Variants in RRAGB observed in about 807,000 individuals in gnomAD.
The protein encoded by RRAGB is ras-related GTP-binding protein B.
In RRAGB, 6 loss-of-function variants were observed where a neutral mutation model predicts 29.3. The observed-to-expected ratio is 0.21, with a 90% CI of 0.11 to 0.40. The LOEUF (loss-of-function observed/expected upper bound fraction) is 0.40. Among genes scored for constraint, RRAGB ranks in the 10% least tolerant of loss-of-function variants. RRAGB has a pLI of 1.00. For missense variants in RRAGB, 184 were observed against 272.9 expected, an observed-to-expected ratio of 0.67 and a Z score of 2.29; for synonymous variants, 101 against 92.5, an observed-to-expected ratio of 1.09 and a Z score of -0.53.
At chrX:55,738,000 C>T (rs2033924388) in intron 5 of RRAGB, among the ~76,000 whole-genome samples, 1 of 112,347 alleles carries the variant, frequency 8.9e-6, no homozygotes, top group African/African-American at 3.2e-5. Context: ...GCAAAGAAGT[C>T]GTCTTTGAGC....
At position 55,737,900 on chromosome X, in the gene RRAGB, G is replaced by A. The variant is rs1053926715; in HGVS notation, c.516+6314G>A. On this transcript the variant is annotated intron_variant, in intron 5 of 9. Transcript: ENST00000374941. The stretch of plus-strand genomic sequence containing the variant: ...CCCACTGCTATAGCTCAGGTCCAGG[G>A]GGAACTTGTGAAGGGACCTTGTGCG... Among the ~76,000 whole-genome samples the A allele has an allele frequency of 4.4e-5, 5 of 112,552 alleles. No homozygotes were observed. The East Asian group carries it at 1.4e-3, about 32-fold the overall frequency.
chrX:55,749,039 G>A lies in RRAGB; in HGVS notation c.517-2062G>A, dbSNP rs1315669688. 8.0e-5 allele frequency among the ~76,000 whole-genome samples: 8 copies of A among 99,494 alleles called. No homozygotes were observed. The South Asian group carries it at 1.5e-3, about 19-fold the overall frequency. 86.4% of individuals were successfully genotyped at this position (99,494 alleles called of 115,157 possible). A position where few individuals can be genotyped will look rare whatever the true frequency, so the allele number is the denominator to read the frequency against. ...GGGTCAGCCTCCCGCCCGGCCAGCC[G>A]CCCCGTCTGGGAGGGAGGTGGGGGT... On this transcript the variant is annotated intron_variant, in intron 5 of 9. Coordinates refer to ENST00000374941, the MANE Select transcript of RRAGB (RefSeq NM_006064.5).
chrX:55,729,168 T>G, intron 3 of RRAGB, 126 bp from the exon 4 acceptor site: 1 of 479,200 alleles, frequency 2.1e-6, no homozygotes, highest in Non-Finnish European at 3.6e-6. Context: ...AAAATCACCT[T>G]CTTGTTGTGG....
At chrX:55,724,723 C>A (rs1403252438) in intron 3 of RRAGB, among the ~76,000 whole-genome samples, 1 of 111,768 alleles carries the variant, frequency 8.9e-6, no homozygotes, top group Non-Finnish European at 1.9e-5. Context: ...TATTGAACAA[C>A]TGTTATTTGT....
At position 55,728,632 on chromosome X, in the gene RRAGB, G is replaced by A. The variant is rs755930556; in HGVS notation, c.227-662G>A. Among the ~76,000 whole-genome samples, 8 of 111,911 alleles carry A rather than the reference G, an allele frequency of 7.1e-5. No individual in the cohort carries two copies. In the Admixed American group the frequency reaches 7.6e-4, roughly 11 times the overall value. On this transcript the variant is annotated intron_variant, in intron 3 of 9. Coordinates refer to ENST00000374941, the MANE Select transcript of RRAGB (RefSeq NM_006064.5). The stretch of plus-strand genomic sequence containing the variant: ...ATGTTCAAAGTAGTGTTAAGAAGAT[G>A]AGCCTGGCAGTAGCCTGTCGGATGA...
intron 5 of RRAGB, among the ~76,000 whole-genome samples, chrX:55,741,637 T>A (rs1194661167): frequency 9.0e-6 from 1 of 111,689 alleles, no homozygotes; most frequent in Non-Finnish European, 1.9e-5. Flanking sequence ...TAATCATGTG[T>A]GTGTGTATGT....
chrX:55,755,175 T>A, intron 7 of RRAGB: 2 of 753,572 alleles, frequency 2.7e-6, no homozygotes, highest in Non-Finnish European at 3.1e-6. Context: ...TTTCACATTG[T>A]CTCATGGAAT....
chrX:55,757,167 G>A (rs1361248250), intron 8 of RRAGB, 49 bp from the exon 9 acceptor site: 2 of 660,448 alleles, frequency 3.0e-6, no homozygotes, highest in Admixed American at 4.7e-5. Context: ...AGAGCTTGTT[G>A]TAGTGTTATT....
chrX:55,747,892 T>G (rs2147114113), intron 5 of RRAGB, among the ~76,000 whole-genome samples: 1 of 99,939 alleles, frequency 1.0e-5, no homozygotes, highest in East Asian at 4.0e-4. Flanking sequence ...TCTCCCTCTC[T>G]TTCCACGGTC....
At chrX:55,733,349 G>A (rs189213308) in intron 5 of RRAGB, among the ~76,000 whole-genome samples, 1 of 112,168 alleles carries the variant, frequency 8.9e-6, no homozygotes, top group East Asian at 2.8e-4. Context: ...TTGAATAGAC[G>A]TGTTGAAAGT....
intron 5 of RRAGB, among the ~76,000 whole-genome samples, chrX:55,738,902 T>C (rs933805114): frequency 3.6e-5 from 4 of 112,326 alleles, no homozygotes; most frequent in Admixed American, 2.8e-4. Context: ...ATTTGCACTC[T>C]GGCTCCCCAT....
chrX:55,729,933 G>T (rs2033618610), intron 4 of RRAGB, among the ~76,000 whole-genome samples: 1 of 112,246 alleles, frequency 8.9e-6, no homozygotes, highest in Non-Finnish European at 1.9e-5. Flanking sequence ...CTGCACAGTG[G>T]ATAGGAGCAT....
chrX:55,741,649 C>T (rs892033376), intron 5 of RRAGB, among the ~76,000 whole-genome samples: 2 of 111,170 alleles, frequency 1.8e-5, no homozygotes, highest in Non-Finnish European at 3.8e-5. Flanking sequence ...TGTGTATGTG[C>T]GCGTGCATAG....
rs189463243 is a variant in RRAGB at position 55,757,099 on chromosome X, G to T, written c.828-117G>T. On this transcript the variant is annotated intron_variant, in intron 8 of 9. Coordinates refer to ENST00000374941, the MANE Select transcript of RRAGB (RefSeq NM_006064.5). ...GTTAGTGATTAACAATCTTAATGAAGTGGTGAATTGAGGTATAGTGCTATA... is the reference window on the plus strand; with the variant it reads ...GTTAGTGATTAACAATCTTAATGAATTGGTGAATTGAGGTATAGTGCTATA... 109 of 331,883 alleles carry T rather than the reference G, an allele frequency of 3.3e-4. 1 individual carries two copies. The East Asian group carries it at 4.3e-3, about 13-fold the overall frequency. The allele number at this position is 331,883 out of a possible 1,213,427, so 27.4% of individuals were successfully genotyped here.
intron 5 of RRAGB, among the ~76,000 whole-genome samples, chrX:55,742,785 C>G (rs952867058): frequency 8.9e-6 from 1 of 111,770 alleles, no homozygotes; most frequent in Non-Finnish European, 1.9e-5. Flanking sequence ...CATGAATCCT[C>G]ACTATAAAAT....
chrX:55,718,392 C>T lies in RRAGB; in HGVS notation c.65C>T (p.Pro22Leu). The change falls in exon 1 of 10, where the codon CCA (proline) becomes CTA (leucine). Residue 22 changes from proline (P) to leucine (L), a missense_variant. By Grantham distance (98) the Pro-to-Leu change is moderately conservative (BLOSUM62 -3). Coordinates refer to ENST00000374941, the MANE Select transcript of RRAGB (RefSeq NM_006064.5). The part of the protein sequence containing the change: ...KENLGPRMDP[P>L]LGEPEGSLGW... ...AATCTGGGGCCGAGAATGGATCCAC[C>T]ACTAGGGGAACCGGAAGGATCGCTT... 8.3e-7 allele frequency: 1 copy of T among 1,200,948 alleles called. No homozygotes were observed. The highest frequency in any genetic ancestry group is 1.1e-6 in the Non-Finnish European group (1 of 888,795).
At chrX:55,749,010 G>C (rs1355708767) in intron 5 of RRAGB, among the ~76,000 whole-genome samples, 1 of 97,929 alleles carries the variant, frequency 1.0e-5, no homozygotes, top group African/African-American at 3.8e-5. Context: ...GGAGGGAGGT[G>C]GGGGGGTCAG....
At chrX:55,756,044 C>T in intron 8 of RRAGB, 112 bp downstream of exon 8, 1 of 498,599 alleles carries the variant, frequency 2.0e-6, no homozygotes, top group Non-Finnish European at 3.2e-6. Flanking sequence ...ATAGTTCCTT[C>T]AATCAAAGAC....
At chrX:55,718,616 G>C (rs1451362248) in intron 1 of RRAGB, among the ~76,000 whole-genome samples, 197 bp downstream of exon 1, 3 of 112,084 alleles carry the variant, frequency 2.7e-5, no homozygotes, top group Admixed American at 9.5e-5. Context: ...AACAACCCTT[G>C]GGAAGGGGCT....
Sources: gnomAD v4.1 joint callset for allele counts (sites outside exome capture counted in the v4.1 genomes callset) on GRCh38, gnomAD v4.1.1 for gene constraint, MANE v1.5 for transcripts, NCBI Gene and HGNC (gene_info 2026-07-23, HGNC 2026-07-21) for gene names.